UBXN2A: variants seen among roughly 807,000 people sequenced by gnomAD.
UBXN2A encodes UBX domain protein 2A.
UBXN2A carries 28 observed loss-of-function variants against 28.4 expected under a neutral mutation model. The ratio of observed to expected loss-of-function variants is 0.99; its 90% CI spans 0.73 to 1.35. The LOEUF is 1.35. Among genes scored for constraint, UBXN2A ranks in the 40% most tolerant of loss-of-function variants. UBXN2A has a pLI of 0.00. For synonymous variants in UBXN2A, 97 were observed against 103.6 expected (o/e 0.94, Z 0.39); for missense variants, 253 against 297.9 (o/e 0.85, Z 1.11).
At chr2:23,949,766 T>C (rs1014872541) in intron 1 of UBXN2A, among the ~76,000 whole-genome samples, 16 of 151,648 alleles carry the variant, frequency 1.1e-4, no homozygotes, top group Non-Finnish European at 1.0e-4. Context: ...TCCCAGCTAC[T>C]TGGGAGGCTG....
intron 2 of UBXN2A, among the ~76,000 whole-genome samples, chr2:23,966,326 C>T (rs1367486125): frequency 5.9e-5 from 9 of 151,794 alleles, no homozygotes; most frequent in East Asian, 1.9e-4. Context: ...TTAGTAGAGA[C>T]GGGGTTTCAC....
At position 24,000,556 on chromosome 2, in the gene UBXN2A, A is replaced by G. The variant is rs1248771117; in HGVS notation, c.*689A>G. Reference sequence around the variant, plus strand: ...ACCCCCTCTCAAAAATAAATAAAATAAAGTAAAATAAATATAAATAATTGT... The same window carrying G: ...ACCCCCTCTCAAAAATAAATAAAATGAAGTAAAATAAATATAAATAATTGT... On this transcript the variant is annotated 3_prime_UTR_variant, in exon 7 of 7. Coordinates refer to ENST00000309033, the MANE Select transcript of UBXN2A (RefSeq NM_181713.4). 2 of 151,976 alleles carry G rather than the reference A, an allele frequency of 1.3e-5. No homozygotes were observed. The highest frequency in any genetic ancestry group is 4.8e-5 in the African/African-American group (2 of 41,360). 9.4% of individuals were successfully genotyped at this position (151,976 alleles called of 1,614,324 possible).
intron 2 of UBXN2A, among the ~76,000 whole-genome samples, chr2:23,963,818 C>G (rs772950216): frequency 6.6e-6 from 1 of 152,026 alleles, no homozygotes; most frequent in Non-Finnish European, 1.5e-5. Flanking sequence ...GGATATTATC[C>G]AAAGGAATTG....
In UBXN2A at chr2:23,958,119, A is replaced by G. The variant is rs539455442; in HGVS notation, c.-14-182A>G. On this transcript the variant is annotated intron_variant, in intron 1 of 6. Transcript: ENST00000309033. ...AGTTTTAAGAAGTCTTTCTTTTGTC[A>G]GATTATCAGACTTAAAATGTATTTT... Among the ~76,000 whole-genome samples, 26 of 152,310 alleles carry G rather than the reference A, an allele frequency of 1.7e-4. No individual in the cohort carries two copies. In the South Asian group the frequency reaches 4.6e-3, roughly 27 times the overall value.
intron 6 of UBXN2A, among the ~76,000 whole-genome samples, chr2:23,987,413 G>A (rs1708174671): frequency 6.6e-6 from 1 of 152,096 alleles, no homozygotes; most frequent in African/African-American, 2.4e-5. Flanking sequence ...TAGTATATAT[G>A]TATTGCTAAA....
intron 2 of UBXN2A, among the ~76,000 whole-genome samples, chr2:23,964,577 G>A (rs376789619): frequency 1.3e-5 from 2 of 152,150 alleles, no homozygotes; most frequent in African/African-American, 4.8e-5. Context: ...AGGATATAAT[G>A]GTGGTTGCCA....
chr2:23,970,238 T>A (rs1410568249), intron 2 of UBXN2A, among the ~76,000 whole-genome samples: 1 of 152,094 alleles, frequency 6.6e-6, no homozygotes, highest in South Asian at 2.1e-4. Flanking sequence ...GAGCTGAAAT[T>A]GCGCCACTCC....
intron 4 of UBXN2A, among the ~76,000 whole-genome samples, chr2:23,977,928 G>T (rs908294983): frequency 6.6e-6 from 1 of 152,002 alleles, no homozygotes; most frequent in East Asian, 1.9e-4. Context: ...GCCTACTGGG[G>T]TCAAGTGATT....
At chr2:23,929,095 C>T (rs1705292339) in intron 1 of UBXN2A, among the ~76,000 whole-genome samples, 1 of 152,124 alleles carries the variant, frequency 6.6e-6, no homozygotes, top group South Asian at 2.1e-4. Context: ...GGAAACCAGC[C>T]TGGGCAACAT....
At chr2:23,995,500 G>C (rs957909625) in intron 6 of UBXN2A, among the ~76,000 whole-genome samples, 3 of 151,822 alleles carry the variant, frequency 2.0e-5, no homozygotes, top group Admixed American at 2.0e-4. Flanking sequence ...GACCATCCTG[G>C]CTAACATGGT....
At chr2:23,928,818 G>C (rs1705264933) in intron 1 of UBXN2A, among the ~76,000 whole-genome samples, 1 of 152,102 alleles carries the variant, frequency 6.6e-6, no homozygotes, top group Non-Finnish European at 1.5e-5. Context: ...TTCCAGAATA[G>C]ATAAATCCTT....
chr2:23,990,730 C>T (rs1352522473), intron 6 of UBXN2A, among the ~76,000 whole-genome samples: 2 of 150,578 alleles, frequency 1.3e-5, no homozygotes, highest in Non-Finnish European at 2.9e-5. Context: ...GCTGAAATCA[C>T]ACCACTGCAC....
At chr2:23,998,277 A>G (rs1455446848) in intron 6 of UBXN2A, among the ~76,000 whole-genome samples, 2 of 152,162 alleles carry the variant, frequency 1.3e-5, no homozygotes, top group African/African-American at 2.4e-5. Context: ...TCTGATAGGT[A>G]CTTTTCTAGG....
At chr2:23,949,874 C>CA (rs34149974) in intron 1 of UBXN2A, among the ~76,000 whole-genome samples, 106,192 of 147,494 alleles carry the variant, frequency 0.72, 38,384 homozygotes, top group East Asian at 0.85. Context: ...GACTCTGTCT[C>CA]AAAAAAAAAA....
chr2:23,939,393 C>T (rs1169973867), upstream of UBXN2A: 1 of 152,172 alleles, frequency 6.6e-6, no homozygotes, highest in Non-Finnish European at 1.5e-5. Flanking sequence ...CAGCGATCTC[C>T]TGGGTCAGGC....
intron 6 of UBXN2A, among the ~76,000 whole-genome samples, chr2:23,985,588 A>T (rs1372059154): frequency 7.1e-6 from 1 of 141,298 alleles, no homozygotes; most frequent in Non-Finnish European, 1.5e-5. Context: ...TCTAAACATA[A>T]TTATGTCTAG....
upstream of UBXN2A, among the ~76,000 whole-genome samples, chr2:23,938,655 A>C (rs1400629169): frequency 6.6e-6 from 1 of 151,194 alleles, no homozygotes; most frequent in Non-Finnish European, 1.5e-5. Flanking sequence ...AAGTTGGAGG[A>C]CTCAAACTTC....
At chr2:23,979,623 C>T (rs1707812990) in intron 4 of UBXN2A, among the ~76,000 whole-genome samples, 1 of 152,146 alleles carries the variant, frequency 6.6e-6, no homozygotes, top group African/African-American at 2.4e-5. Context: ...GGCTGGAGTG[C>T]AGTGGCACGA....
rs1708745094 is a variant in UBXN2A, at chr2:24,002,729, TGAAAC to T, written c.*2865_*2869del. ...CCAGCCAATAATAACTTATAAAACA[TGAAAC>T]GATTTAGTGAGAAAAGTGGCCGGTT... On this transcript the variant is annotated 3_prime_UTR_variant, in exon 7 of 7. Coordinates refer to ENST00000309033, the MANE Select transcript of UBXN2A (RefSeq NM_181713.4). The T allele has an allele frequency of 6.6e-6, 1 of 152,140 alleles. No individual in the cohort carries two copies. The highest frequency in any genetic ancestry group is 1.5e-5 in the Non-Finnish European group (1 of 68,038). The allele number at this position is 152,140 out of a possible 1,614,324, so 9.4% of individuals were successfully genotyped here.
Sources: gnomAD v4.1 joint callset for allele counts (sites outside exome capture counted in the v4.1 genomes callset) on GRCh38, gnomAD v4.1.1 for gene constraint, MANE v1.5 for transcripts, NCBI Gene and HGNC (gene_info 2026-07-23, HGNC 2026-07-21) for gene names.